ACSL3: variants seen among roughly 807,000 people sequenced by gnomAD.
The protein encoded by ACSL3 is fatty acid CoA ligase Acsl3.
In ACSL3, 34 loss-of-function variants were observed where a neutral mutation model predicts 84.7. The observed-to-expected ratio is 0.40, with a 90% CI of 0.31 to 0.53. The LOEUF (loss-of-function observed/expected upper bound fraction) is 0.53. ACSL3 is among the 20% of genes least tolerant of loss of function. ACSL3 has a pLI of 0.48. For missense variants in ACSL3, 680 were observed against 873.1 expected, an observed-to-expected ratio of 0.78 and a Z score of 2.79; for synonymous variants, 315 against 299.4, an observed-to-expected ratio of 1.05 and a Z score of -0.54.
chr2:222,912,908 A>G (rs1696482704), intron 4 of ACSL3, among the ~76,000 whole-genome samples: 1 of 152,238 alleles, frequency 6.6e-6, no homozygotes. Context: ...AACCTGTGTC[A>G]GCATCACCTG....
chr2:222,902,186 A>C (rs1696170793), intron 3 of ACSL3, among the ~76,000 whole-genome samples: 1 of 152,202 alleles, frequency 6.6e-6, no homozygotes, highest in South Asian at 2.1e-4. Flanking sequence ...AAATTTTTAT[A>C]ATCTTGTAAG....
chr2:222,904,144 G>T (rs577820109), intron 3 of ACSL3, among the ~76,000 whole-genome samples: 26 of 152,122 alleles, frequency 1.7e-4, no homozygotes, highest in Admixed American at 3.9e-4. Context: ...GATGGTGCAT[G>T]CCTGTAATCC....
chr2:222,882,788 G>A (rs1695624168), intron 1 of ACSL3, among the ~76,000 whole-genome samples: 1 of 117,370 alleles, frequency 8.5e-6, no homozygotes, highest in Non-Finnish European at 1.7e-5. Context: ...TTTGAAGACA[G>A]ATTCTCGCTC....
chr2:222,879,163 C>A (rs1695530381), intron 1 of ACSL3, among the ~76,000 whole-genome samples: 1 of 152,034 alleles, frequency 6.6e-6, no homozygotes, highest in Admixed American at 6.5e-5. Flanking sequence ...ACAAAAAATA[C>A]CAAAATTAGC....
intron 1 of ACSL3, among the ~76,000 whole-genome samples, chr2:222,882,610 G>C (rs1397096915): frequency 6.6e-6 from 1 of 152,106 alleles, no homozygotes; most frequent in African/African-American, 2.4e-5. Context: ...TGCAGCTGCT[G>C]TTCTGACAGG....
intron 3 of ACSL3, among the ~76,000 whole-genome samples, chr2:222,908,174 T>C (rs1365111808): frequency 6.6e-6 from 1 of 152,216 alleles, no homozygotes; most frequent in Non-Finnish European, 1.5e-5. Context: ...CAAAGTATAC[T>C]GCTTTCTTGC....
intron 2 of ACSL3, among the ~76,000 whole-genome samples, chr2:222,900,473 G>A (rs1342100223): frequency 6.6e-6 from 1 of 152,070 alleles, no homozygotes; most frequent in Non-Finnish European, 1.5e-5. Context: ...AAGTTTCACA[G>A]TTTGTGTATA....
intron 11 of ACSL3, among the ~76,000 whole-genome samples, chr2:222,925,556 C>CA (rs1244537132): frequency 6.6e-6 from 1 of 151,774 alleles, no homozygotes; most frequent in East Asian, 1.9e-4. Context: ...GCAATGACTG[C>CA]ACCACTGCAC....
chr2:222,904,077 C>T (rs565141528), intron 3 of ACSL3, among the ~76,000 whole-genome samples: 25 of 152,152 alleles, frequency 1.6e-4, no homozygotes, highest in Non-Finnish European at 3.1e-4. Context: ...GAGTTCGAGA[C>T]CAGCCTCAAC....
intron 7 of ACSL3, among the ~76,000 whole-genome samples, chr2:222,920,188 G>T (rs1251330069): frequency 6.6e-6 from 1 of 152,156 alleles, no homozygotes; most frequent in African/African-American, 2.4e-5. Flanking sequence ...TTGAAGGAGT[G>T]AAGGGCTGAT....
chr2:222,872,238 C>T (rs775541659), intron 1 of ACSL3, among the ~76,000 whole-genome samples: 2 of 152,148 alleles, frequency 1.3e-5, no homozygotes, highest in African/African-American at 4.8e-5. Context: ...GATTCTCCTG[C>T]CTCAGCCTCT....
chr2:222,934,928 G>C (rs951460479), intron 16 of ACSL3, among the ~76,000 whole-genome samples: 5 of 152,122 alleles, frequency 3.3e-5, no homozygotes, highest in African/African-American at 1.2e-4. Context: ...TTTGCTTTCT[G>C]GGTTACCCTT....
intron 1 of ACSL3, among the ~76,000 whole-genome samples, chr2:222,884,305 G>A (rs937699392): frequency 3.3e-5 from 5 of 152,160 alleles, no homozygotes; most frequent in Non-Finnish European, 7.3e-5. Context: ...CAACCACTTA[G>A]GGCAGCAAAC....
At chr2:222,882,089 T>G (rs1695603306) in intron 1 of ACSL3, among the ~76,000 whole-genome samples, 1 of 152,222 alleles carries the variant, frequency 6.6e-6, no homozygotes. Context: ...TCTTGTAAAC[T>G]AGGTAACAAA....
At position 222,910,948 on chromosome 2, in the gene ACSL3, A is replaced by G. The variant is rs192799169; in HGVS notation, c.378+1798A>G. ...TAGAAATTGAAATCATGAGTTAAGC[A>G]TGTTTGATTTTTCTTTTCCAGCCTA... On this transcript the variant is annotated intron_variant, in intron 4 of 16. Transcript: ENST00000357430. Among the ~76,000 whole-genome samples, 595 of 152,174 alleles carry G rather than the reference A, an allele frequency of 3.9e-3. 2 individuals carry two copies. The highest frequency in any genetic ancestry group is 0.02 in the Middle Eastern group (6 of 294).
rs1697009519 is a variant in ACSL3, at chr2:222,930,793, T to A, written c.1713T>A (p.Asp571Glu). The A allele has an allele frequency of 1.2e-6, 2 of 1,603,094 alleles. No individual in the cohort carries two copies. The highest frequency in any genetic ancestry group is 1.7e-6 in the Non-Finnish European group (2 of 1,175,654). Residue 571 changes from aspartate to glutamate, a missense_variant, in exon 14 of 17, where the codon GAT (aspartate) becomes GAA (glutamate). Physicochemically the swap from Asp to Glu is conservative, Grantham distance 45 (BLOSUM62 2). This residue lies in a region of ACSL3 where 347 missense variants were observed against 525.7 expected (regional missense o/e 0.66). Coordinates refer to ENST00000357430, the MANE Select transcript of ACSL3 (RefSeq NM_004457.5). ...CTGDIGEFEP[D>E]GCLKIIDRKK... ...GGGATATTGGAGAGTTTGAACCCGA[T>A]GGATGCTTAAAGATTATTGGTAAGT...
intron 1 of ACSL3, among the ~76,000 whole-genome samples, chr2:222,866,264 G>A (rs1308438847): frequency 6.6e-6 from 1 of 152,006 alleles, no homozygotes; most frequent in Non-Finnish European, 1.5e-5. Flanking sequence ...TCCTGCCTCA[G>A]CCTCCTGAGT....
intron 3 of ACSL3, among the ~76,000 whole-genome samples, chr2:222,904,446 A>G (rs1466441128): frequency 1.3e-5 from 2 of 152,138 alleles, no homozygotes; most frequent in African/African-American, 2.4e-5. Context: ...GATGATTTGT[A>G]TATTAATACA....
chr2:222,927,911 A>G (rs941559395), intron 12 of ACSL3, among the ~76,000 whole-genome samples: 2 of 151,818 alleles, frequency 1.3e-5, no homozygotes, highest in African/African-American at 2.4e-5. Flanking sequence ...TTTTTCAGTT[A>G]TGTTCTCTGT....
Sources: allele counts gnomAD v4.1 joint callset (sites outside exome capture counted in the v4.1 genomes callset), GRCh38; gene constraint gnomAD v4.1.1; regional missense constraint gnomAD v4.1.1; transcripts MANE v1.5; gene names NCBI Gene and HGNC (gene_info 2026-07-23, HGNC 2026-07-21).